CNNM4: variants seen among roughly 807,000 people sequenced by gnomAD.
The protein encoded by CNNM4 is metal transporter CNNM4.
Under a neutral mutation model 53.7 loss-of-function variants are expected in CNNM4, and 32 were observed. The observed-to-expected ratio is 0.60, with a 90% CI of 0.45 to 0.80. CNNM4 has a LOEUF of 0.80. Among genes scored for constraint, CNNM4 ranks in the 30% least tolerant of loss-of-function variants. The pLI is 0.00. For synonymous variants in CNNM4, 410 were observed against 440.0 expected, an observed-to-expected ratio of 0.93 and a Z score of 0.85; for missense variants, 784 against 1,022.0, an observed-to-expected ratio of 0.77 and a Z score of 3.17.
At position 96,811,803 on chromosome 2, in the gene CNNM4, AAAC is replaced by A. The variant is rs2079260615; in HGVS notation, c.*2289_*2291del. 1 of 152,660 alleles carries A rather than the reference AAAC, an allele frequency of 6.6e-6. No homozygotes were observed. Among genetic ancestry groups the A allele is most frequent in the African/African-American group, 2.4e-5 (1 of 41,458 alleles). 9.5% of individuals were successfully genotyped at this position (152,660 alleles called of 1,614,324 possible). The stretch of plus-strand genomic sequence containing the variant: ...TATGACTCTTGTGTCTTTTGTCACA[AAAC>A]AATGATATTTGCTAAACGATATATG... On this transcript the variant is annotated 3_prime_UTR_variant, in exon 7 of 7. Transcript: ENST00000377075.
In CNNM4 at chr2:96,801,549, A is replaced by C. The variant is rs1305071620; in HGVS notation, c.1948+1901A>C. On this transcript the variant is annotated intron_variant, in intron 5 of 6. Coordinates refer to ENST00000377075, the MANE Select transcript of CNNM4 (RefSeq NM_020184.4). The surrounding 1 kb of genome is among the most constrained non-coding windows in gnomAD (Gnocchi z 5.6). ...GATAGCACACACACAGAGAGACCAC[A>C]CACACACAGAGACCACACACAGAGA... 1.3e-5 allele frequency among the ~76,000 whole-genome samples: 2 copies of C among 151,320 alleles called. No homozygotes were observed. Among genetic ancestry groups the C allele is most frequent in the Non-Finnish European group, 3.0e-5 (2 of 67,744 alleles).
chr2:96,778,853 G>T (rs1372456255), intron 1 of CNNM4, among the ~76,000 whole-genome samples: 1 of 152,088 alleles, frequency 6.6e-6, no homozygotes. Context: ...GCATTTAATT[G>T]ACAAAAACCA....
intron 1 of CNNM4, among the ~76,000 whole-genome samples, chr2:96,793,870 G>T (rs576037884): frequency 2.6e-5 from 4 of 152,224 alleles, no homozygotes; most frequent in Middle Eastern, 3.4e-3. Flanking sequence ...CAGGAGAATC[G>T]CTTGAACCTG....
In CNNM4 at chr2:96,797,150, T is replaced by A. The variant is rs140192152; in HGVS notation, c.1541T>A (p.Met514Lys). 1 of 1,614,124 alleles carries A rather than the reference T, an allele frequency of 6.2e-7. No homozygotes were observed. Among genetic ancestry groups the A allele is most frequent in the Non-Finnish European group, 8.5e-7 (1 of 1,180,008 alleles). Residue 514 changes from methionine (M) to lysine (K), a missense_variant, in exon 2 of 7, where the codon ATG becomes AAG. Coordinates refer to ENST00000377075, the MANE Select transcript of CNNM4 (RefSeq NM_020184.4). This position sits in a 1 kb window ranked among gnomAD's most constrained non-coding sequence, Gnocchi z 6.0. ...TCGGAGATCCTGGACGAGTCCGACA[T>A]GTACAGTGAGTCCAGCCTTCCACAG... Reference protein sequence around the residue: ...IKSEILDESDMYTDNRSRKRV... With the variant: ...IKSEILDESDKYTDNRSRKRV...
chr2:96,763,644 C>A (rs1233368173), intron 1 of CNNM4, among the ~76,000 whole-genome samples: 1 of 152,122 alleles, frequency 6.6e-6, no homozygotes, highest in Non-Finnish European at 1.5e-5. Flanking sequence ...GAGTGGAGGA[C>A]AGCTTTGGAG....
chr2:96,796,698 C>T (rs2079107485), intron 1 of CNNM4, among the ~76,000 whole-genome samples: 1 of 152,156 alleles, frequency 6.6e-6, no homozygotes, highest in African/African-American at 2.4e-5. Flanking sequence ...AAGTTGGCGG[C>T]TGCAGTGAGC....
intron 1 of CNNM4, among the ~76,000 whole-genome samples, chr2:96,796,029 C>T (rs1341541791): frequency 6.6e-6 from 1 of 151,116 alleles, no homozygotes; most frequent in African/African-American, 2.4e-5. Flanking sequence ...AGTCTCTGCC[C>T]CACCTAATCA....
chr2:96,774,970 A>G, intron 1 of CNNM4, among the ~76,000 whole-genome samples: 1 of 107,720 alleles, frequency 9.3e-6, no homozygotes, highest in South Asian at 2.7e-4. Context: ...CAAAAAAAAA[A>G]AAAAAAAAAA....
At chr2:96,789,199 C>T (rs963812828) in intron 1 of CNNM4, among the ~76,000 whole-genome samples, 11 of 152,078 alleles carry the variant, frequency 7.2e-5, no homozygotes, top group Non-Finnish European at 1.5e-4. Flanking sequence ...GCCGGTCAGC[C>T]GATGGCACAG....
chr2:96,799,675 GCCCTTTGGCCC>G lies in CNNM4; in HGVS notation c.1948+32_1948+42del, dbSNP rs1345143190. The G allele has an allele frequency of 4.0e-6, 6 of 1,513,618 alleles. No individual in the cohort carries two copies. In the Admixed American group the frequency reaches 5.9e-5, roughly 15 times the overall value. The allele number at this position is 1,513,618 out of a possible 1,614,324, so 93.8% of individuals were successfully genotyped here. Reference sequence around the variant, plus strand: ...TGAGTTGTTGGGCATGGTCTTTGCTGCCCTTTGGCCCCCCTGCAGCTGGGGAGCCATGGACC... The same window carrying G: ...TGAGTTGTTGGGCATGGTCTTTGCTGCCCTGCAGCTGGGGAGCCATGGACC... On this transcript the variant is annotated intron_variant, in intron 5 of 6. Coordinates refer to ENST00000377075, the MANE Select transcript of CNNM4 (RefSeq NM_020184.4).
At chr2:96,788,252 C>G (rs1358197074) in intron 1 of CNNM4, among the ~76,000 whole-genome samples, 2 of 140,088 alleles carry the variant, frequency 1.4e-5, no homozygotes, top group South Asian at 4.5e-4. Context: ...TCGCTGTAAT[C>G]TTTTTTTTTT....
chr2:96,805,170 G>A (rs7589082), intron 5 of CNNM4, among the ~76,000 whole-genome samples: 14,268 of 151,846 alleles, frequency 0.094, 2,230 homozygotes, highest in African/African-American at 0.32. Context: ...AACTTAATCA[G>A]AGATGTTACT....
At chr2:96,766,365 G>A (rs561519843) in intron 1 of CNNM4, among the ~76,000 whole-genome samples, 7 of 152,192 alleles carry the variant, frequency 4.6e-5, no homozygotes, top group Non-Finnish European at 1.0e-4. Flanking sequence ...GTGAGCCACC[G>A]TGCCTGGCCC....
chr2:96,794,897 G>C (rs2079089705), intron 1 of CNNM4, among the ~76,000 whole-genome samples: 1 of 152,182 alleles, frequency 6.6e-6, no homozygotes, highest in Non-Finnish European at 1.5e-5. Context: ...AGGGGGTACA[G>C]GTTGGGCATC....
At chr2:96,804,181 C>G (rs1254823935) in intron 5 of CNNM4, among the ~76,000 whole-genome samples, 2 of 151,936 alleles carry the variant, frequency 1.3e-5, no homozygotes, top group African/African-American at 4.8e-5. Context: ...AGGCATGAAC[C>G]ACTGCACCTG....
rs202044868 is a variant in CNNM4, at chr2:96,809,975, TTCCTCCTCC to T, written c.*471_*479del. The T allele has an allele frequency of 1.3e-5, 2 of 154,168 alleles. No individual in the cohort carries two copies. The highest frequency in any genetic ancestry group is 2.9e-5 in the Non-Finnish European group (2 of 69,070). 9.6% of individuals were successfully genotyped at this position (154,168 alleles called of 1,614,324 possible). ...TGTCCCTGATTCAGGGAGCTCTCCC[TTCCTCCTCC>T]TCCTCCTCCTCCGGAGGTGGGATCC... On this transcript the variant is annotated 3_prime_UTR_variant, in exon 7 of 7. Transcript: ENST00000377075.
intron 3 of CNNM4, chr2:96,798,182 G>T (rs935139612): frequency 1.8e-5 from 4 of 224,804 alleles, no homozygotes; most frequent in African/African-American, 9.1e-5. Context: ...GCAGTAAGTT[G>T]TGAATGCACC....
rs1009979605 is a variant in CNNM4, at chr2:96,804,063, A to G, written c.1948+4415A>G. 8.0e-5 allele frequency among the ~76,000 whole-genome samples: 12 copies of G among 149,484 alleles called. No homozygotes were observed. The East Asian group carries it at 1.8e-3, about 23-fold the overall frequency. On this transcript the variant is annotated intron_variant, in intron 5 of 6. Transcript: ENST00000377075. ...ACAGGCAGGTGCCACCATGCTGGGCAATTTTTTTTTTAACTTTTTGTAGAG... is the reference window on the plus strand; with the variant it reads ...ACAGGCAGGTGCCACCATGCTGGGCGATTTTTTTTTTAACTTTTTGTAGAG...
At chr2:96,777,803 A>G (rs943096368) in intron 1 of CNNM4, among the ~76,000 whole-genome samples, 8 of 146,686 alleles carry the variant, frequency 5.5e-5, no homozygotes, top group African/African-American at 2.0e-4. Flanking sequence ...CGCCTGGCCA[A>G]CTTTGTGTAT....
Sources: gnomAD v4.1 joint callset for allele counts (sites outside exome capture counted in the v4.1 genomes callset) on GRCh38, gnomAD v4.1.1 for gene constraint, Gnocchi (gnomAD v3.1) non-coding constraint, MANE v1.5 for transcripts, NCBI Gene and HGNC (gene_info 2026-07-23, HGNC 2026-07-21) for gene names.